PACC1: variants seen among roughly 807,000 people sequenced by gnomAD.
PACC1 encodes the protein proton activated chloride channel 1, also known as proton-activated chloride channel.
A neutral mutation model predicts 39.7 loss-of-function variants in PACC1; 34 were observed. The ratio of observed to expected loss-of-function variants is 0.86; its 90% confidence interval spans 0.65 to 1.14. The LOEUF (loss-of-function observed/expected upper bound fraction) is 1.14. PACC1 is among the 50% of genes most tolerant of loss of function. The pLI is 0.00. For synonymous variants in PACC1, 127 were observed against 160.6 expected, an observed-to-expected ratio of 0.79 and a Z score of 1.58; for missense variants, 379 against 436.4, an observed-to-expected ratio of 0.87 and a Z score of 1.17.
intron 2 of PACC1, among the ~76,000 whole-genome samples, chr1:212,402,938 T>C (rs1278922910): frequency 2.6e-5 from 4 of 152,122 alleles, no homozygotes; most frequent in African/African-American, 4.8e-5. Flanking sequence ...ACAGGCGTGA[T>C]CAACCGTGCC....
chr1:212,402,150 TA>T (rs1356559364), intron 2 of PACC1, among the ~76,000 whole-genome samples: 1 of 152,218 alleles, frequency 6.6e-6, no homozygotes, highest in Non-Finnish European at 1.5e-5. Context: ...CATGTGGACG[TA>T]AGTTTTCATT....
chr1:212,381,695 G>GCACACACACACACACA (rs58078220), intron 4 of PACC1, among the ~76,000 whole-genome samples: 1 of 122,758 alleles, frequency 8.1e-6, no homozygotes, highest in Non-Finnish European at 1.7e-5. Context: ...CACACACACT[G>GCACACACACACACACA]CACACACACA....
At chr1:212,406,472 T>C (rs1382610245) in intron 2 of PACC1, among the ~76,000 whole-genome samples, 1 of 151,950 alleles carries the variant, frequency 6.6e-6, no homozygotes, top group Non-Finnish European at 1.5e-5. Flanking sequence ...GCCAAGATCG[T>C]GCCACTGCAC....
rs1414327317 is a variant in PACC1 at position 212,385,431 on chromosome 1, G to A, written c.344-6C>T. ...ACCGGGGTACAAGGCAATACCTGGG[G>A]GCACAAACAGGAAAAGCAAGTGTCA... On this transcript the variant is annotated splice_polypyrimidine_tract_variant and splice_region_variant and intron_variant, in intron 3 of 7. Coordinates refer to ENST00000261455, the MANE Select transcript of PACC1 (RefSeq NM_018252.3). 2 of 1,613,908 alleles carry A rather than the reference G, an allele frequency of 1.2e-6. No individual in the cohort carries two copies. Among genetic ancestry groups the A allele is most frequent in the Non-Finnish European group, 1.7e-6 (2 of 1,179,902 alleles).
intron 2 of PACC1, among the ~76,000 whole-genome samples, chr1:212,395,188 A>G (rs1661467780): frequency 6.6e-6 from 1 of 152,222 alleles, no homozygotes; most frequent in Non-Finnish European, 1.5e-5. Flanking sequence ...TTCAAACTAT[A>G]CTACAAAGCA....
At chr1:212,398,085 C>T (rs1661586318) in intron 2 of PACC1, among the ~76,000 whole-genome samples, 1 of 152,106 alleles carries the variant, frequency 6.6e-6, no homozygotes, top group Non-Finnish European at 1.5e-5. Context: ...TTACACAGTG[C>T]CTGCTCAATG....
At chr1:212,372,698 C>G (rs527585992) in intron 7 of PACC1, among the ~76,000 whole-genome samples, 33 of 151,770 alleles carry the variant, frequency 2.2e-4, no homozygotes, top group Non-Finnish European at 4.1e-4. Context: ...ATGCTAACAG[C>G]GAGCAATCTA....
chr1:212,379,227 G>A (rs1023965734), intron 5 of PACC1, among the ~76,000 whole-genome samples: 7 of 152,146 alleles, frequency 4.6e-5, no homozygotes, highest in Non-Finnish European at 5.9e-5. Context: ...ACAGGTGTGA[G>A]CCACCACACC....
chr1:212,405,631 AG>A (rs1661882077), intron 2 of PACC1, among the ~76,000 whole-genome samples: 1 of 152,086 alleles, frequency 6.6e-6, no homozygotes, highest in African/African-American at 2.4e-5. Context: ...TGCTACAGGG[AG>A]GGGAGAATTT....
chr1:212,390,239 G>A (rs938038089), intron 2 of PACC1, among the ~76,000 whole-genome samples: 2 of 151,788 alleles, frequency 1.3e-5, no homozygotes, highest in South Asian at 2.1e-4. Context: ...CCTGGCCAAT[G>A]TGGTGAAACC....
chr1:212,406,105 C>CAAAAAAAAAAAA (rs58332482), intron 2 of PACC1, among the ~76,000 whole-genome samples: 4 of 55,656 alleles, frequency 7.2e-5, no homozygotes, highest in East Asian at 7.0e-4. Context: ...TCCCACCCCA[C>CAAAAAAAAAAAA]AAAAAAAAAA....
At chr1:212,407,018 G>C (rs1165446535) in intron 2 of PACC1, among the ~76,000 whole-genome samples, 1 of 152,184 alleles carries the variant, frequency 6.6e-6, no homozygotes, top group Admixed American at 6.5e-5. Context: ...GGCTCCCAAA[G>C]ATGTCCAAGT....
chr1:212,413,033 C>G (rs1662193281), intron 1 of PACC1, among the ~76,000 whole-genome samples: 1 of 152,190 alleles, frequency 6.6e-6, no homozygotes, highest in Non-Finnish European at 1.5e-5. Flanking sequence ...GGCTTTCTGA[C>G]TTTTATCCAC....
chr1:212,382,295 G>A (rs902371973), intron 4 of PACC1, among the ~76,000 whole-genome samples: 7 of 61,234 alleles, frequency 1.1e-4, no homozygotes, highest in Admixed American at 4.2e-4. Context: ...CACCTGCCTC[G>A]GCCTCCCAAA....
rs1489244227 is a variant in PACC1 at position 212,392,138 on chromosome 1, T to C, written c.134-5038A>G. 3.3e-5 allele frequency among the ~76,000 whole-genome samples: 5 copies of C among 152,196 alleles called. 1 individual carries two copies. Among genetic ancestry groups the C allele is most frequent in the Middle Eastern group, 3.4e-3 (1 of 294 alleles). ...AGAAGAGCAACTCTCAGACACATAATTGTCAGATTCACCAAAGTTGAAATG... is the reference window on the plus strand; with the variant it reads ...AGAAGAGCAACTCTCAGACACATAACTGTCAGATTCACCAAAGTTGAAATG... On this transcript the variant is annotated intron_variant, in intron 2 of 7. Transcript: ENST00000261455.
chr1:212,405,330 G>T (rs546460332), intron 2 of PACC1, among the ~76,000 whole-genome samples: 2 of 152,230 alleles, frequency 1.3e-5, no homozygotes, highest in Non-Finnish European at 2.9e-5. Context: ...GACAAAATCT[G>T]TGTGCCTCAC....
intron 2 of PACC1, among the ~76,000 whole-genome samples, chr1:212,407,803 G>A (rs530862620): frequency 1.3e-5 from 2 of 152,228 alleles, no homozygotes; most frequent in South Asian, 2.1e-4. Context: ...GGCCAGGTGC[G>A]GTGGCCCACG....
rs1662262662 is a variant in PACC1 at position 212,414,601 on chromosome 1, C to T, written c.36+121G>A. ...GGGAGCCCTCCCCTGACGCACCCGTCGGTCCCTCGGAAGAGCCCTCTGCCG... is the reference window on the plus strand; with the variant it reads ...GGGAGCCCTCCCCTGACGCACCCGTTGGTCCCTCGGAAGAGCCCTCTGCCG... On this transcript the variant is annotated intron_variant, in intron 1 of 7. Transcript: ENST00000261455. The T allele has an allele frequency of 1.5e-5, 19 of 1,259,734 alleles. No homozygotes were observed. The South Asian group carries it at 2.5e-4, about 16-fold the overall frequency. 78.0% of individuals were successfully genotyped at this position (1,259,734 alleles called of 1,614,324 possible).
At chr1:212,368,699 C>CA (rs1491364961) in intron 7 of PACC1, among the ~76,000 whole-genome samples, 1 of 151,864 alleles carries the variant, frequency 6.6e-6, no homozygotes, top group African/African-American at 2.4e-5. Flanking sequence ...GAAGAACACT[C>CA]ACAAGGTCTA....
Sources: gnomAD v4.1 joint callset for allele counts (sites outside exome capture counted in the v4.1 genomes callset) on GRCh38, gnomAD v4.1.1 for gene constraint, MANE v1.5 for transcripts, NCBI Gene and HGNC (gene_info 2026-07-23, HGNC 2026-07-21) for gene names.